Variants in ZNF629 observed in about 807,000 individuals in gnomAD.
ZNF629 encodes the protein zinc finger protein 629.
Under a neutral mutation model 59.7 loss-of-function variants are expected in ZNF629, and 9 were observed. That is an observed-to-expected ratio of 0.15 (90% CI 0.09 to 0.26). ZNF629 has a LOEUF of 0.26. ZNF629 is among the 10% of genes least tolerant of loss of function. The pLI is 1.00. For synonymous variants in ZNF629, 509 were observed against 498.9 expected (o/e 1.02, Z -0.27); for missense variants, 853 against 1,165.4 (o/e 0.73, Z 3.90).
chr16:30,781,706 TCCAGACC>T lies in ZNF629; in HGVS notation c.*5_*11del. 1 of 1,600,036 alleles carries T rather than the reference TCCAGACC, an allele frequency of 6.2e-7. No individual in the cohort carries two copies. The highest frequency in any genetic ancestry group is 1.1e-5 in the South Asian group (1 of 89,730). On this transcript the variant is annotated 3_prime_UTR_variant, in exon 3 of 3. Transcript: ENST00000262525. Reference sequence around the variant, plus strand: ...TCTGGAGAGAGCGAGGCCCCTGGTCTCCAGACCCATTTCACAGGGAGACACCTGGGTG... The same window carrying T: ...TCTGGAGAGAGCGAGGCCCCTGGTCTCATTTCACAGGGAGACACCTGGGTG...
chr16:30,781,493 C>T lies in ZNF629; in HGVS notation c.*225G>A, dbSNP rs1186982153. The T allele has an allele frequency of 5.0e-6, 2 of 396,942 alleles. No individual in the cohort carries two copies. Among genetic ancestry groups the T allele is most frequent in the East Asian group, 3.9e-5 (1 of 25,330 alleles). The allele number at this position is 396,942 out of a possible 1,614,324, so 24.6% of individuals were successfully genotyped here. On this transcript the variant is annotated 3_prime_UTR_variant, in exon 3 of 3. Coordinates refer to ENST00000262525, the MANE Select transcript of ZNF629 (RefSeq NM_001080417.3). ...TTTTTCCTACATATTTATAGGGTTT[C>T]TAACCCAACAGTTTTTCTCTACTGC...
chr16:30,784,069 C>G lies in ZNF629; in HGVS notation c.259G>C (p.Asp87His), dbSNP rs199740716. 7.1e-5 allele frequency: 114 copies of G among 1,596,086 alleles called. No individual in the cohort carries two copies. In the East Asian group the frequency reaches 1.7e-3, roughly 24 times the overall value. The change falls in exon 3 of 3, where the codon GAC (aspartate) becomes CAC (histidine). Residue 87 changes from aspartate to histidine, a missense_variant. Physicochemically the swap from Asp to His is moderately conservative, Grantham distance 81. Around this residue, in one of 3 missense-constraint regions of ZNF629, gnomAD observed 232 missense variants for 193.4 expected, o/e 1.20. Coordinates refer to ENST00000262525, the MANE Select transcript of ZNF629 (RefSeq NM_001080417.3). ...GGGGGGTCCAGGGGGATCTGGTGGT[C>G]CAAGGGATTGGAGTGACCCAGTGGG... Reference protein sequence around the residue: ...PTPLGHSNPLDHQIPLDPPAP... With the variant: ...PTPLGHSNPLHHQIPLDPPAP...
At chr16:30,785,859 A>AAATAAAT in intron 1 of ZNF629, among the ~76,000 whole-genome samples, 1 of 140,166 alleles carries the variant, frequency 7.1e-6, no homozygotes, top group Non-Finnish European at 1.5e-5. Flanking sequence ...GCCCCCTGGT[A>AAATAAAT]AAATAAATAA....
At position 30,784,025 on chromosome 16, in the gene ZNF629, A is replaced by C; in HGVS notation, c.303T>G (p.Pro101=). 3.2e-6 allele frequency: 5 copies of C among 1,564,422 alleles called. 1 individual carries two copies. In the South Asian group the frequency reaches 4.7e-5, roughly 15 times the overall value. ...PLDPPAPEVV[P]TPSDWTKACE... ...AGGCCTTGGTCCAGTCAGATGGGGT[A>C]GGGACTACCTCCGGGGCTGGGGGGT... The change falls in exon 3 of 3, where the codon CCT becomes CCG. Residue 101 remains proline (P), a synonymous_variant. Transcript: ENST00000262525.
chr16:30,786,266 G>A lies in ZNF629; in HGVS notation c.-34+762C>T, dbSNP rs995898418. On this transcript the variant is annotated intron_variant, in intron 1 of 2. Coordinates refer to ENST00000262525, the MANE Select transcript of ZNF629 (RefSeq NM_001080417.3). This position sits in a 1 kb window ranked among gnomAD's most constrained non-coding sequence, Gnocchi z 4.8. ...TAAGTGTCTTTGGGGTGGTGGAAGC[G>A]GAGACCTCTGCCACACTGGGGGCTG... Among the ~76,000 whole-genome samples the A allele has an allele frequency of 2.0e-5, 3 of 152,116 alleles. No individual in the cohort carries two copies. The highest frequency in any genetic ancestry group is 4.4e-5 in the Non-Finnish European group (3 of 68,022).
In ZNF629 at chr16:30,779,714, G is replaced by T. The variant is rs2054265197; in HGVS notation, c.*2004C>A. 6.6e-6 allele frequency: 1 copy of T among 152,168 alleles called. No homozygotes were observed. Among genetic ancestry groups the T allele is most frequent in the Non-Finnish European group, 1.5e-5 (1 of 68,046 alleles). 9.4% of individuals were successfully genotyped at this position (152,168 alleles called of 1,614,324 possible). A position where few individuals can be genotyped will look rare whatever the true frequency, so the allele number is the denominator to read the frequency against. ...ACAAATGGCGAAGGATTTGCATAAAGGTTGTGTGAAACTTTAGGTCATGGA... is the reference window on the plus strand; with the variant it reads ...ACAAATGGCGAAGGATTTGCATAAATGTTGTGTGAAACTTTAGGTCATGGA... On this transcript the variant is annotated 3_prime_UTR_variant, in exon 3 of 3. Coordinates refer to ENST00000262525, the MANE Select transcript of ZNF629 (RefSeq NM_001080417.3).
rs1396428717 is a variant in ZNF629, at chr16:30,784,483, C to T, written c.-1G>A. ...CCCACAGCGCAGTCTCGGGCTCCAT[C>T]CCAGAGCTCAGGACTGCAGTGTTCC... On this transcript the variant is annotated 5_prime_UTR_variant, in exon 2 of 3. Transcript: ENST00000262525. 1.9e-6 allele frequency: 3 copies of T among 1,546,976 alleles called. No individual in the cohort carries two copies. Among genetic ancestry groups the T allele is most frequent in the Middle Eastern group, 1.7e-4 (1 of 5,984 alleles).
rs1397416959 is a variant in ZNF629, at chr16:30,784,422, C to A, written c.61G>T (p.Asp21Tyr). Residue 21 changes from aspartate (D) to tyrosine (Y), a missense_variant, in exon 2 of 3, where the codon GAT (aspartate) becomes TAT (tyrosine). Asp to Tyr is a radical substitution (Grantham distance 160). Transcript: ENST00000262525. ...TTGTGCCCCTCACCTCTGTGAGCAT[C>A]GTTGGGGCTCTGTTCCGGACCCTGC... The part of the protein sequence containing the change: ...DLQGPEQSPN[D>Y]AHRGAESENE... 6.4e-7 allele frequency: 1 copy of A among 1,567,850 alleles called. No homozygotes were observed.
Position 30,786,575 on chromosome 16 carries a change from GT to G in ZNF629, c.-34+452del, listed in dbSNP as rs1324415891. 5.9e-5 allele frequency among the ~76,000 whole-genome samples: 9 copies of G among 152,126 alleles called. No individual in the cohort carries two copies. The highest frequency in any genetic ancestry group is 1.3e-4 in the Non-Finnish European group (9 of 67,998). On this transcript the variant is annotated intron_variant, in intron 1 of 2. Coordinates refer to ENST00000262525, the MANE Select transcript of ZNF629 (RefSeq NM_001080417.3). The surrounding 1 kb of genome is among the most constrained non-coding windows in gnomAD (Gnocchi z 4.8). ...CGAGAGATGTGGGGAACGGCCCAGGGTGACCCTGACATGGAGGCGGCGGGAA... is the reference window on the plus strand; with the variant it reads ...CGAGAGATGTGGGGAACGGCCCAGGGGACCCTGACATGGAGGCGGCGGGAA...
chr16:30,784,512 G>A lies in ZNF629; in HGVS notation c.-30C>T. On this transcript the variant is annotated 5_prime_UTR_variant, in exon 2 of 3. Coordinates refer to ENST00000262525, the MANE Select transcript of ZNF629 (RefSeq NM_001080417.3). The stretch of plus-strand genomic sequence containing the variant: ...GAGCTCAGGACTGCAGTGTTCCAGG[G>A]ACCCTGCGGGGGAAGACAGCGATGA... 1.3e-6 allele frequency: 2 copies of A among 1,514,178 alleles called. No homozygotes were observed. The highest frequency in any genetic ancestry group is 8.8e-7 in the Non-Finnish European group (1 of 1,133,738). 93.8% of individuals were successfully genotyped at this position (1,514,178 alleles called of 1,614,324 possible). A position where few individuals can be genotyped will look rare whatever the true frequency, so the allele number is the denominator to read the frequency against.
At position 30,786,027 on chromosome 16, in the gene ZNF629, CTT is replaced by C. The variant is rs1392645104; in HGVS notation, c.-34+999_-34+1000del. Among the ~76,000 whole-genome samples the C allele has an allele frequency of 6.6e-6, 1 of 151,950 alleles. No homozygotes were observed. Among genetic ancestry groups the C allele is most frequent in the Non-Finnish European group, 1.5e-5 (1 of 68,000 alleles). On this transcript the variant is annotated intron_variant, in intron 1 of 2. Coordinates refer to ENST00000262525, the MANE Select transcript of ZNF629 (RefSeq NM_001080417.3). The surrounding 1 kb of genome is among the most constrained non-coding windows in gnomAD (Gnocchi z 4.8). ...AGAATCCCTGGGTGGGGCCTGGAAA[CTT>C]TGGATGGCTGTGTGAGGTGGGCGCT...
At position 30,782,381 on chromosome 16, in the gene ZNF629, G is replaced by A. The variant is rs2054289873; in HGVS notation, c.1947C>T (p.Gly649=). The A allele has an allele frequency of 6.3e-7, 1 of 1,579,450 alleles. No homozygotes were observed. Among genetic ancestry groups the A allele is most frequent in the South Asian group, 1.2e-5 (1 of 86,866 alleles). The change falls in exon 3 of 3, where the codon GGC becomes GGT. Residue 649 remains glycine (G), a synonymous_variant. Transcript: ENST00000262525. ...ACAGCAGCCCCCGCCTCTGGCTGAAGCCCTCCTGACCCTCCGGCGGCTTAA... is the reference window on the plus strand; with the variant it reads ...ACAGCAGCCCCCGCCTCTGGCTGAAACCCTCCTGACCCTCCGGCGGCTTAA... ...QPLKPPEGQE[G]FSQRRGLLSS... is the part of the protein sequence containing the mutation.
chr16:30,784,533 G>A lies in ZNF629; in HGVS notation c.-33-18C>T. 1 of 1,490,898 alleles carries A rather than the reference G, an allele frequency of 6.7e-7. No homozygotes were observed. The highest frequency in any genetic ancestry group is 8.9e-7 in the Non-Finnish European group (1 of 1,119,662). 92.4% of individuals were successfully genotyped at this position (1,490,898 alleles called of 1,614,324 possible). On this transcript the variant is annotated intron_variant, in intron 1 of 2. Coordinates refer to ENST00000262525, the MANE Select transcript of ZNF629 (RefSeq NM_001080417.3). ...CAGGGACCCTGCGGGGGAAGACAGC[G>A]ATGAGCGCACACTGGGAGCTGATTT...
rs1176486419 is a variant in ZNF629 at position 30,781,668 on chromosome 16, T to C, written c.*50A>G. On this transcript the variant is annotated 3_prime_UTR_variant, in exon 3 of 3. Transcript: ENST00000262525. ...CATGTAATTTTTTTGGGGGAAAAAA[T>C]CCAGTGTTCCTCTCTGGAGAGAGCG... 11 of 1,476,556 alleles carry C rather than the reference T, an allele frequency of 7.4e-6. No homozygotes were observed. The highest frequency in any genetic ancestry group is 9.9e-6 in the Non-Finnish European group (11 of 1,110,430). 91.5% of individuals were successfully genotyped at this position (1,476,556 alleles called of 1,614,324 possible).
Position 30,782,868 on chromosome 16 carries a change from T to C in ZNF629, c.1460A>G (p.Lys487Arg). 6.2e-7 allele frequency: 1 copy of C among 1,613,944 alleles called. No individual in the cohort carries two copies. The highest frequency in any genetic ancestry group is 1.1e-5 in the South Asian group (1 of 91,066). ...GAAGCTCTTGCCGCACTCGGGGCAC[T>C]TGTAGGGCTTCTCGCCGGTGTGCGT... ...RRTHTGEKPY[K>R]CPECGKSFSQ... is the part of the protein sequence containing the mutation. Residue 487 changes from lysine (K) to arginine (R), a missense_variant, in exon 3 of 3, where the codon AAG becomes AGG. Physicochemically the swap from Lys to Arg is conservative, Grantham distance 26. This residue lies in a region of ZNF629 where 201 missense variants were observed against 536.5 expected (regional missense o/e 0.37). Transcript: ENST00000262525.
rs1345319273 is a variant in ZNF629 at position 30,786,013 on chromosome 16, G to T, written c.-34+1015C>A. On this transcript the variant is annotated intron_variant, in intron 1 of 2. Coordinates refer to ENST00000262525, the MANE Select transcript of ZNF629 (RefSeq NM_001080417.3). This position sits in a 1 kb window ranked among gnomAD's most constrained non-coding sequence, Gnocchi z 4.8. ...TTTACACCCTGCAGAGAATCCCTGG[G>T]TGGGGCCTGGAAACTTTGGATGGCT... Among the ~76,000 whole-genome samples, 1 of 152,050 alleles carries T rather than the reference G, an allele frequency of 6.6e-6. No homozygotes were observed. The highest frequency in any genetic ancestry group is 1.5e-5 in the Non-Finnish European group (1 of 68,004).
Position 30,780,506 on chromosome 16 carries a change from C to T in ZNF629, c.*1212G>A, listed in dbSNP as rs1351073514. 1 of 152,588 alleles carries T rather than the reference C, an allele frequency of 6.6e-6. No individual in the cohort carries two copies. The highest frequency in any genetic ancestry group is 1.5e-5 in the Non-Finnish European group (1 of 68,032). 9.5% of individuals were successfully genotyped at this position (152,588 alleles called of 1,614,324 possible). On this transcript the variant is annotated 3_prime_UTR_variant, in exon 3 of 3. Transcript: ENST00000262525. ...CTGAAGGGCTTTATTCTTTGGAGGT[C>T]GACTAGCAGCGGTTCTCCCTCTCCA...
At position 30,784,122 on chromosome 16, in the gene ZNF629, T is replaced by A. The variant is rs1237092553; in HGVS notation, c.206A>T (p.Asp69Val). 9 of 1,608,124 alleles carry A rather than the reference T, an allele frequency of 5.6e-6. No individual in the cohort carries two copies. The highest frequency in any genetic ancestry group is 7.6e-6 in the Non-Finnish European group (9 of 1,178,778). The stretch of plus-strand genomic sequence containing the variant: ...TGGGGGGTTCTGGGGGACAGAGGGG[T>A]CCTGGGAGGATCTCTCCAGGGACAT... ...TEMSLERSSQ[D>V]PSVPQNPPTP... is the part of the protein sequence containing the mutation. The change falls in exon 3 of 3, where the codon GAC (aspartate) becomes GTC (valine). Residue 69 changes from aspartate to valine, a missense_variant. By Grantham distance (152) the Asp-to-Val change is radical. Transcript: ENST00000262525.
rs1334410603 is a variant in ZNF629, at chr16:30,786,289, C to T, written c.-34+739G>A. On this transcript the variant is annotated intron_variant, in intron 1 of 2. Transcript: ENST00000262525. The surrounding 1 kb of genome is among the most constrained non-coding windows in gnomAD (Gnocchi z 4.8). ...GCGGAGACCTCTGCCACACTGGGGGCTGCCTGATGTCCGGTCCGGGAAGGA... is the reference window on the plus strand; with the variant it reads ...GCGGAGACCTCTGCCACACTGGGGGTTGCCTGATGTCCGGTCCGGGAAGGA... Among the ~76,000 whole-genome samples, 1 of 152,178 alleles carries T rather than the reference C, an allele frequency of 6.6e-6. No individual in the cohort carries two copies. The highest frequency in any genetic ancestry group is 1.5e-5 in the Non-Finnish European group (1 of 68,030).
Sources: allele counts gnomAD v4.1 joint callset (sites outside exome capture counted in the v4.1 genomes callset), GRCh38; gene constraint gnomAD v4.1.1; regional missense constraint gnomAD v4.1.1; non-coding constraint Gnocchi (gnomAD v3.1); transcripts MANE v1.5; gene names NCBI Gene and HGNC (gene_info 2026-07-23, HGNC 2026-07-21).